The following GOLM2 variants were observed in gnomAD, a reference collection of about 807,000 sequenced individuals.
GOLM2 encodes golgi membrane protein 2, also known as protein GOLM2.
GOLM2 carries 26 observed loss-of-function variants against 55.9 expected under a neutral mutation model. That is an observed-to-expected ratio of 0.47 (90% CI 0.34 to 0.65). The LOEUF (loss-of-function observed/expected upper bound fraction) is 0.65. GOLM2 is among the 30% of genes least tolerant of loss of function. The pLI, the probability that GOLM2 is intolerant of heterozygous loss-of-function variation, is 0.01. For synonymous variants in GOLM2, 165 were observed against 194.6 expected (o/e 0.85, Z 1.27); for missense variants, 486 against 531.8 (o/e 0.91, Z 0.85).
intron 8 of GOLM2, among the ~76,000 whole-genome samples, chr15:44,384,178 A>C (rs1464354530): frequency 6.6e-6 from 1 of 152,152 alleles, no homozygotes; most frequent in African/African-American, 2.4e-5. Flanking sequence ...AAGTTGTACA[A>C]ACTATCACCA....
At chr15:44,408,215 C>A (rs2079610947) in intron 9 of GOLM2, among the ~76,000 whole-genome samples, 1 of 152,070 alleles carries the variant, frequency 6.6e-6, no homozygotes, top group African/African-American at 2.4e-5. Context: ...AATATTAGTT[C>A]TTATAATTAT....
intron 6 of GOLM2, among the ~76,000 whole-genome samples, chr15:44,359,056 A>T (rs187445289): frequency 3.9e-5 from 6 of 152,070 alleles, no homozygotes; most frequent in African/African-American, 1.4e-4. Flanking sequence ...AGGCTGAGGC[A>T]GGAGAATGGC....
intron 1 of GOLM2, among the ~76,000 whole-genome samples, chr15:44,299,926 CAAAAAAAA>C (rs1009141482): frequency 1.7e-4 from 2 of 11,536 alleles, no homozygotes; most frequent in Non-Finnish European, 2.5e-4. Flanking sequence ...GGCAACATAG[CAAAAAAAA>C]AAAAAAAAAA....
chr15:44,315,130 T>C (rs1440633618), intron 1 of GOLM2, among the ~76,000 whole-genome samples: 2 of 152,224 alleles, frequency 1.3e-5, no homozygotes, highest in African/African-American at 2.4e-5. Context: ...AAGTAGAATA[T>C]GTCTTTTTTA....
At chr15:44,356,523 C>T (rs2079199300) in intron 6 of GOLM2, among the ~76,000 whole-genome samples, 1 of 152,086 alleles carries the variant, frequency 6.6e-6, no homozygotes, top group Non-Finnish European at 1.5e-5. Context: ...GCCAGCTCTA[C>T]AAAAAGATAA....
chr15:44,293,801 C>T (rs1038005989), intron 1 of GOLM2, among the ~76,000 whole-genome samples: 1 of 152,170 alleles, frequency 6.6e-6, no homozygotes, highest in African/African-American at 2.4e-5. Context: ...TGTTTCCATA[C>T]TGTACACTTT....
At position 44,363,413 on chromosome 15, in the gene GOLM2, C is replaced by G. The variant is rs546036335; in HGVS notation, c.803-16277C>G. The stretch of plus-strand genomic sequence containing the variant: ...TGAACAGACACTTCTCAAAAGAAGC[C>G]ATTTATGCAGCCAAAAAACACATGG... On this transcript the variant is annotated intron_variant, in intron 6 of 9. Coordinates refer to ENST00000299957, the MANE Select transcript of GOLM2 (RefSeq NM_138423.4). Among the ~76,000 whole-genome samples the G allele has an allele frequency of 6.4e-3, 974 of 152,312 alleles. 2 individuals carry two copies. The highest frequency in any genetic ancestry group is 0.014 in the Middle Eastern group (4 of 294).
At chr15:44,368,747 A>G (rs1215368696) in intron 6 of GOLM2, among the ~76,000 whole-genome samples, 1 of 151,386 alleles carries the variant, frequency 6.6e-6, no homozygotes, top group Non-Finnish European at 1.5e-5. Context: ...ACATATACAT[A>G]TACATATATA....
At chr15:44,379,477 C>A (rs2079387106) in intron 6 of GOLM2, among the ~76,000 whole-genome samples, 2 of 151,342 alleles carry the variant, frequency 1.3e-5, no homozygotes, top group Non-Finnish European at 2.9e-5. Flanking sequence ...GACTCTGTCC[C>A]CCCACCAAAA....
rs149445037 is a variant in GOLM2, at chr15:44,379,658, G to A, written c.803-32G>A. ...TTTTTTAGAAATCATAGTATCAATG[G>A]GAATAATATGGATTTATTTTTTTTC... On this transcript the variant is annotated intron_variant, in intron 6 of 9. Transcript: ENST00000299957. The A allele has an allele frequency of 6.7e-5, 59 of 877,650 alleles. No individual in the cohort carries two copies. In the East Asian group the frequency reaches 1.1e-3, roughly 17 times the overall value. 54.4% of individuals were successfully genotyped at this position (877,650 alleles called of 1,614,324 possible).
intron 6 of GOLM2, among the ~76,000 whole-genome samples, chr15:44,366,342 T>C (rs1567036423): frequency 6.7e-6 from 1 of 149,694 alleles, no homozygotes; most frequent in Non-Finnish European, 1.5e-5. Context: ...AAAACTGCTC[T>C]AAGTCTTAAA....
chr15:44,366,511 G>C (rs1388824357), intron 6 of GOLM2, among the ~76,000 whole-genome samples: 1 of 152,096 alleles, frequency 6.6e-6, no homozygotes, highest in Non-Finnish European at 1.5e-5. Flanking sequence ...GCATACGCCT[G>C]TAGTCCCAGC....
intron 9 of GOLM2, among the ~76,000 whole-genome samples, chr15:44,403,529 G>A (rs2079579839): frequency 6.6e-6 from 1 of 152,038 alleles, no homozygotes; most frequent in Non-Finnish European, 1.5e-5. Context: ...TTTTATAATA[G>A]TGGAATTTGT....
At chr15:44,338,441 A>C in intron 6 of GOLM2, 124 bp downstream of exon 6, 1 of 672,314 alleles carries the variant, frequency 1.5e-6, no homozygotes, top group South Asian at 2.6e-5. Context: ...TTTCTACTTA[A>C]TTAAGTACCC....
chr15:44,379,874 C>A, intron 7 of GOLM2, 86 bp downstream of exon 7: 1 of 684,274 alleles, frequency 1.5e-6, no homozygotes, highest in Non-Finnish European at 2.5e-6. Context: ...TATCACTTAG[C>A]AGTATAGTGA....
chr15:44,401,395 T>C (rs115423991), intron 8 of GOLM2, among the ~76,000 whole-genome samples: 1 of 151,826 alleles, frequency 6.6e-6, no homozygotes, highest in South Asian at 2.1e-4. Flanking sequence ...CTCCTGAGTA[T>C]CTGAGACTAT....
chr15:44,344,303 A>ATATATG (rs2079109058), intron 6 of GOLM2, among the ~76,000 whole-genome samples: 2 of 150,172 alleles, frequency 1.3e-5, no homozygotes, highest in African/African-American at 4.9e-5. Context: ...ATATATATAT[A>ATATATG]TATATATACC....
At chr15:44,326,380 T>C (rs2078980979) in intron 2 of GOLM2, among the ~76,000 whole-genome samples, 1 of 151,898 alleles carries the variant, frequency 6.6e-6, no homozygotes, top group Non-Finnish European at 1.5e-5. Context: ...TATTATACAA[T>C]AGTTATTATG....
intron 1 of GOLM2, among the ~76,000 whole-genome samples, chr15:44,300,536 AG>A (rs1316296404): frequency 1.3e-5 from 2 of 152,184 alleles, no homozygotes; most frequent in Admixed American, 1.3e-4. Flanking sequence ...ACTAGGATTT[AG>A]TTGTGCAGAA....
Sources: gnomAD v4.1 joint callset for allele counts (sites outside exome capture counted in the v4.1 genomes callset) on GRCh38, gnomAD v4.1.1 for gene constraint, MANE v1.5 for transcripts, NCBI Gene and HGNC (gene_info 2026-07-23, HGNC 2026-07-21) for gene names.